PPA2: variants seen among roughly 807,000 people sequenced by gnomAD.
PPA2 encodes inorganic pyrophosphatase 2.
A neutral mutation model predicts 49.5 loss-of-function variants in PPA2; 48 were observed. That is an observed-to-expected ratio of 0.97 (90% CI 0.77 to 1.23). PPA2 has a LOEUF of 1.23. Among genes scored for constraint, PPA2 ranks in the 50% most tolerant of loss-of-function variants. The pLI, the probability that PPA2 is intolerant of heterozygous loss-of-function variation, is 0.00. For missense variants in PPA2, 429 were observed against 410.1 expected, an observed-to-expected ratio of 1.05 and a Z score of -0.40; for synonymous variants, 131 against 139.9, an observed-to-expected ratio of 0.94 and a Z score of 0.45.
At chr4:105,473,711 G>C (rs747614243) in intron 1 of PPA2, 183 bp downstream of exon 1, 1 of 946,508 alleles carries the variant, frequency 1.1e-6, no homozygotes, top group Admixed American at 1.8e-5. Context: ...CTCCTCGCTG[G>C]CAGTTCTCGT....
At chr4:105,414,059 G>A (rs923369951) in intron 7 of PPA2, among the ~76,000 whole-genome samples, 4 of 152,128 alleles carry the variant, frequency 2.6e-5, no homozygotes, top group African/African-American at 9.7e-5. Flanking sequence ...ATTCACAGAA[G>A]AGAAGATACA....
intron 1 of PPA2, among the ~76,000 whole-genome samples, chr4:105,459,412 T>C (rs538814548): frequency 1.3e-5 from 2 of 152,336 alleles, no homozygotes; most frequent in African/African-American, 4.8e-5. Context: ...CTAAATGTAA[T>C]AGATACTAAA....
chr4:105,413,080 C>G (rs188686964), intron 7 of PPA2, among the ~76,000 whole-genome samples: 2 of 152,164 alleles, frequency 1.3e-5, no homozygotes, highest in Admixed American at 6.5e-5. Context: ...TGGAACTAAC[C>G]CAAATGTCCA....
At chr4:105,372,304 T>C (rs977398297) in intron 10 of PPA2, among the ~76,000 whole-genome samples, 2 of 152,154 alleles carry the variant, frequency 1.3e-5, no homozygotes, top group Non-Finnish European at 2.9e-5. Context: ...TACGGTGAGA[T>C]ATGTGACTGA....
chr4:105,399,263 C>T, intron 7 of PPA2, 99 bp from the exon 8 acceptor site: 5 of 1,154,354 alleles, frequency 4.3e-6, no homozygotes, highest in Non-Finnish European at 6.1e-6. Context: ...ACATGGGGCC[C>T]AGTCTAACCA....
chr4:105,418,738 C>G (rs1162201831), intron 7 of PPA2, among the ~76,000 whole-genome samples: 1 of 152,118 alleles, frequency 6.6e-6, no homozygotes, highest in Non-Finnish European at 1.5e-5. Context: ...AAAGGCCAAA[C>G]AAAAGAAATC....
intron 1 of PPA2, among the ~76,000 whole-genome samples, chr4:105,470,447 T>C (rs1178147932): frequency 6.6e-6 from 1 of 152,188 alleles, no homozygotes; most frequent in African/African-American, 2.4e-5. Flanking sequence ...GATTGCACAC[T>C]GTGCTCCAGC....
intron 7 of PPA2, among the ~76,000 whole-genome samples, chr4:105,422,071 A>T (rs564098452): frequency 6.6e-6 from 1 of 152,314 alleles, no homozygotes; most frequent in Non-Finnish European, 1.5e-5. Flanking sequence ...ATTTTATAAA[A>T]TCTAGATATA....
chr4:105,391,995 A>C (rs1314014093), intron 9 of PPA2, among the ~76,000 whole-genome samples: 1 of 151,858 alleles, frequency 6.6e-6, no homozygotes, highest in Non-Finnish European at 1.5e-5. Context: ...AAACTTGAAA[A>C]ATATGTAAGA....
chr4:105,395,467 T>C (rs373572164), intron 9 of PPA2, among the ~76,000 whole-genome samples: 1 of 152,286 alleles, frequency 6.6e-6, no homozygotes, highest in East Asian at 1.9e-4. Context: ...TACTTGTTAC[T>C]ATAATTTCAA....
chr4:105,453,141 A>T (rs1722736926), intron 3 of PPA2, among the ~76,000 whole-genome samples: 1 of 152,192 alleles, frequency 6.6e-6, no homozygotes, highest in Non-Finnish European at 1.5e-5. Context: ...TCCTGTGCTA[A>T]TTCTCTCAGG....
intron 5 of PPA2, 66 bp downstream of exon 5, chr4:105,446,317 C>A: frequency 1.4e-6 from 2 of 1,463,934 alleles, no homozygotes; most frequent in Non-Finnish European, 1.8e-6. Context: ...TTCAGTAGTT[C>A]ACAGGATTTA....
intron 8 of PPA2, among the ~76,000 whole-genome samples, chr4:105,397,573 G>T (rs1222734525): frequency 6.6e-6 from 1 of 152,122 alleles, no homozygotes; most frequent in Non-Finnish European, 1.5e-5. Context: ...GAGGGGATTT[G>T]TCCTCTCAAA....
chr4:105,409,332 C>T (rs900269154), intron 7 of PPA2, among the ~76,000 whole-genome samples: 1 of 152,242 alleles, frequency 6.6e-6, no homozygotes, highest in Non-Finnish European at 1.5e-5. Flanking sequence ...TGTGAGACGG[C>T]AGCCTGGTGG....
intron 10 of PPA2, among the ~76,000 whole-genome samples, chr4:105,372,295 A>G (rs533876195): frequency 3.3e-5 from 5 of 152,298 alleles, no homozygotes; most frequent in African/African-American, 1.2e-4. Flanking sequence ...TTCTTGCCCT[A>G]CGGTGAGATA....
intron 11 of PPA2, among the ~76,000 whole-genome samples, chr4:105,370,220 A>C (rs1345308642): frequency 6.6e-6 from 1 of 152,216 alleles, no homozygotes; most frequent in Non-Finnish European, 1.5e-5. Context: ...TAAACATGTC[A>C]TACTTGACTC....
chr4:105,429,811 C>T (rs66956902), intron 6 of PPA2, among the ~76,000 whole-genome samples: 16,984 of 152,000 alleles, frequency 0.11, 1,006 homozygotes, highest in Non-Finnish European at 0.13. Flanking sequence ...CCACATTTAT[C>T]GGTTACTAGT....
At chr4:105,414,097 T>C (rs1478385039) in intron 7 of PPA2, among the ~76,000 whole-genome samples, 1 of 152,186 alleles carries the variant, frequency 6.6e-6, no homozygotes, top group East Asian at 1.9e-4. Flanking sequence ...ACAAGAAAGA[T>C]GTTCCAACCC....
At chr4:105,407,937 GT>G (rs761933398) in intron 7 of PPA2, among the ~76,000 whole-genome samples, 11 of 152,126 alleles carry the variant, frequency 7.2e-5, no homozygotes, top group African/African-American at 1.2e-4. Context: ...AGACTATATA[GT>G]TATCAAAACT....
Sources: gnomAD v4.1 joint callset for allele counts (sites outside exome capture counted in the v4.1 genomes callset) on GRCh38, gnomAD v4.1.1 for gene constraint, MANE v1.5 for transcripts, NCBI Gene and HGNC (gene_info 2026-07-23, HGNC 2026-07-21) for gene names.